The following CYSLTR1 variants were observed in gnomAD, a reference collection of about 807,000 sequenced individuals.
The protein encoded by CYSLTR1 is G-protein coupled receptor HG55.
Under a neutral mutation model 2.1 loss-of-function variants are expected in CYSLTR1, and 1 was observed. The ratio of observed to expected loss-of-function variants is 0.48; its 90% CI spans 0.17 to 2.28. The LOEUF (loss-of-function observed/expected upper bound fraction) is 2.28. Among genes scored for constraint, CYSLTR1 ranks in the 30% most tolerant of loss-of-function variants. CYSLTR1 has a pLI of 0.26. For missense variants in CYSLTR1, 299 were observed against 250.1 expected (o/e 1.20, Z -1.32); for synonymous variants, 110 against 89.6 (o/e 1.23, Z -1.28).
chrX:78,281,661 C>A (rs1259892334), intron 2 of CYSLTR1, among the ~76,000 whole-genome samples: 2 of 111,110 alleles, frequency 1.8e-5, no homozygotes, highest in African/African-American at 6.6e-5. Flanking sequence ...TCTTCCATAT[C>A]AAATTTCAAG....
At chrX:78,289,607 C>T (rs183448728) in intron 1 of CYSLTR1, among the ~76,000 whole-genome samples, 1 of 112,014 alleles carries the variant, frequency 8.9e-6, no homozygotes, top group African/African-American at 3.2e-5. Context: ...TATTTCTCCA[C>T]ATCCTCTCCA....
At chrX:78,307,518 T>A (rs900122965) in intron 1 of CYSLTR1, among the ~76,000 whole-genome samples, 1 of 111,982 alleles carries the variant, frequency 8.9e-6, no homozygotes, top group Non-Finnish European at 1.9e-5. Flanking sequence ...ATCTGAATAG[T>A]AGGCCCAGGA....
At chrX:78,294,390 C>T (rs1021923147) in intron 1 of CYSLTR1, among the ~76,000 whole-genome samples, 5 of 112,557 alleles carry the variant, frequency 4.4e-5, no homozygotes, top group Non-Finnish European at 9.4e-5. Flanking sequence ...AGGTGTCTGT[C>T]GGCCCCTACT....
intron 1 of CYSLTR1, among the ~76,000 whole-genome samples, chrX:78,300,427 C>T (rs1481931344): frequency 8.9e-6 from 1 of 112,739 alleles, no homozygotes. Flanking sequence ...CTTGTTTTTA[C>T]CTGCCCTTCT....
intron 1 of CYSLTR1, among the ~76,000 whole-genome samples, chrX:78,285,248 G>C (rs1375818139): frequency 2.7e-5 from 3 of 109,122 alleles, no homozygotes; most frequent in Non-Finnish European, 5.7e-5. Flanking sequence ...GTGAAACCCC[G>C]TCTCTACTGA....
At chrX:78,279,226 T>G (rs1375887690) in intron 2 of CYSLTR1, among the ~76,000 whole-genome samples, 1 of 111,156 alleles carries the variant, frequency 9.0e-6, no homozygotes, top group Non-Finnish European at 1.9e-5. Context: ...AAAGGTCTAA[T>G]ATCCAGAATC....
At chrX:78,274,098 A>G (rs1471663799) in intron 2 of CYSLTR1, among the ~76,000 whole-genome samples, 1 of 111,684 alleles carries the variant, frequency 9.0e-6, no homozygotes, top group Non-Finnish European at 1.9e-5. Flanking sequence ...TTCCTTTCAA[A>G]TGAACTTGTT....
intron 1 of CYSLTR1, chrX:78,318,874 C>G (rs1252089441): frequency 9.2e-6 from 1 of 108,602 alleles, no homozygotes; most frequent in Non-Finnish European, 1.9e-5. Flanking sequence ...CCTCCTGACC[C>G]TTTGTTTCTT....
At chrX:78,316,640 A>G (rs1285595135) in intron 1 of CYSLTR1, among the ~76,000 whole-genome samples, 1 of 112,016 alleles carries the variant, frequency 8.9e-6, no homozygotes, top group East Asian at 2.8e-4. Context: ...ATATGGCACA[A>G]TAGAACCAAT....
At chrX:78,306,849 T>C (rs748846014) in intron 1 of CYSLTR1, among the ~76,000 whole-genome samples, 3 of 112,000 alleles carry the variant, frequency 2.7e-5, no homozygotes, top group Non-Finnish European at 3.8e-5. Context: ...TTAAGAAAGA[T>C]TGTGGTCATT....
chrX:78,308,711 T>C (rs1603411636), intron 1 of CYSLTR1, among the ~76,000 whole-genome samples: 1 of 112,219 alleles, frequency 8.9e-6, no homozygotes, highest in East Asian at 2.8e-4. Context: ...TAAGCCTCTA[T>C]TATGTCCATT....
In CYSLTR1 at chrX:78,308,047, G is replaced by GA. The variant is rs1378449359; in HGVS notation, c.-115+19257dup. 4.1e-3 allele frequency among the ~76,000 whole-genome samples: 428 copies of GA among 105,165 alleles called. 1 individual carries two copies. The highest frequency in any genetic ancestry group is 6.6e-3 in the Non-Finnish European group (337 of 50,834). The allele number at this position is 105,165 out of a possible 115,157, so 91.3% of individuals were successfully genotyped here. On this transcript the variant is annotated intron_variant, in intron 1 of 2. Transcript: ENST00000373304. ...TTTTGTAGTGCTGAAAGAAGCTCTT[G>GA]AAAAAAAAAAGCACATGGTACCATT...
chrX:78,299,292 ATCTT>A (rs1289697074), intron 1 of CYSLTR1, among the ~76,000 whole-genome samples: 1 of 111,528 alleles, frequency 9.0e-6, no homozygotes, highest in Non-Finnish European at 1.9e-5. Context: ...TCATTGTTTA[ATCTT>A]TCTACTTAGT....
At chrX:78,309,826 C>T (rs1923157108) in intron 1 of CYSLTR1, among the ~76,000 whole-genome samples, 1 of 111,588 alleles carries the variant, frequency 9.0e-6, no homozygotes, top group African/African-American at 3.3e-5. Flanking sequence ...AAGTAACAGA[C>T]AGAATTAGTG....
intron 1 of CYSLTR1, chrX:78,320,413 A>C (rs1923598517): frequency 9.0e-6 from 1 of 111,543 alleles, no homozygotes; most frequent in South Asian, 3.7e-4. Context: ...GAAAGATCAG[A>C]TAGTTGTAGA....
intron 1 of CYSLTR1, among the ~76,000 whole-genome samples, chrX:78,284,116 CTGTT>C (rs1252628404): frequency 8.9e-6 from 1 of 111,883 alleles, no homozygotes; most frequent in Non-Finnish European, 1.9e-5. Flanking sequence ...TGGAGATTAA[CTGTT>C]TGTAGTTAAC....
At chrX:78,289,116 C>A (rs191666295) in intron 1 of CYSLTR1, among the ~76,000 whole-genome samples, 50 of 109,478 alleles carry the variant, frequency 4.6e-4, no homozygotes, top group African/African-American at 1.7e-3. Flanking sequence ...CTCCCCCAGC[C>A]CTCCACCCCC....
chrX:78,302,426 T>C (rs1343416537), intron 1 of CYSLTR1, among the ~76,000 whole-genome samples: 1 of 111,475 alleles, frequency 9.0e-6, no homozygotes, highest in Admixed American at 9.5e-5. Flanking sequence ...GCTGAGCTGG[T>C]ACCTGAGGTG....
At chrX:78,275,064 A>C (rs1229692194) in intron 2 of CYSLTR1, among the ~76,000 whole-genome samples, 1 of 111,571 alleles carries the variant, frequency 9.0e-6, no homozygotes, top group African/African-American at 3.3e-5. Flanking sequence ...GCAATCATTA[A>C]AAAGTCAGGA....
Sources: allele counts gnomAD v4.1 joint callset (sites outside exome capture counted in the v4.1 genomes callset), GRCh38; gene constraint gnomAD v4.1.1; transcripts MANE v1.5; gene names NCBI Gene and HGNC (gene_info 2026-07-23, HGNC 2026-07-21).